FARP1: variants seen among roughly 807,000 people sequenced by gnomAD.
FARP1 encodes FERM, ARH/RhoGEF and pleckstrin domain protein 1.
In FARP1, 52 loss-of-function variants were observed where a neutral mutation model predicts 128.8. The observed-to-expected ratio is 0.40, with a 90% CI of 0.32 to 0.51. FARP1 has a LOEUF of 0.51. FARP1 is among the 20% of genes least tolerant of loss of function. The probability of loss-of-function intolerance (pLI) is 0.45; values close to 1 mark genes in which losing one functional copy is unlikely to be tolerated. For missense variants in FARP1, 1,333 were observed against 1,367.9 expected (o/e 0.97, Z 0.40); for synonymous variants, 580 against 551.8 (o/e 1.05, Z -0.72).
At chr13:98,338,744 T>G (rs1240041476) in intron 2 of FARP1, 1 of 152,252 alleles carries the variant, frequency 6.6e-6, no homozygotes, top group African/African-American at 2.4e-5. Flanking sequence ...TTTTCCATAG[T>G]GGCTGCACCA....
chr13:98,172,035 C>T (rs182277586), intron 1 of FARP1, among the ~76,000 whole-genome samples: 1 of 152,256 alleles, frequency 6.6e-6, no homozygotes, highest in Non-Finnish European at 1.5e-5. Flanking sequence ...GTCAGTGCAG[C>T]AGTTCTCTTC....
At chr13:98,392,665 C>G (rs1890360073) in intron 11 of FARP1, among the ~76,000 whole-genome samples, 1 of 152,108 alleles carries the variant, frequency 6.6e-6, no homozygotes, top group Non-Finnish European at 1.5e-5. Context: ...CTGTATTTCT[C>G]TGATTGCCTA....
intron 3 of FARP1, among the ~76,000 whole-genome samples, chr13:98,361,560 C>T (rs990502453): frequency 2.6e-5 from 4 of 152,342 alleles, no homozygotes; most frequent in African/African-American, 9.6e-5. Flanking sequence ...GCTGGGACAG[C>T]AGGCTCCCAG....
At chr13:98,206,216 T>A (rs1368992563) in intron 1 of FARP1, among the ~76,000 whole-genome samples, 27 of 138,672 alleles carry the variant, frequency 1.9e-4, no homozygotes, top group African/African-American at 6.8e-4. Flanking sequence ...TGTGTGTGTG[T>A]GATCCTTTCA....
chr13:98,256,834 AC>A (rs1374230018), intron 2 of FARP1, among the ~76,000 whole-genome samples: 1 of 146,582 alleles, frequency 6.8e-6, no homozygotes, highest in African/African-American at 2.5e-5. Flanking sequence ...TGCTGGGATT[AC>A]AGGCGTGAGC....
At chr13:98,201,374 A>G (rs146201894) in intron 1 of FARP1, among the ~76,000 whole-genome samples, 8 of 152,334 alleles carry the variant, frequency 5.3e-5, no homozygotes, top group Non-Finnish European at 1.2e-4. Flanking sequence ...CCCAGGAGTT[A>G]GAGGTTACAG....
chr13:98,182,404 C>T (rs901669650), intron 1 of FARP1, among the ~76,000 whole-genome samples: 2 of 152,176 alleles, frequency 1.3e-5, no homozygotes, highest in Non-Finnish European at 2.9e-5. Context: ...TGGCTCACTG[C>T]TGCCTCACCC....
At position 98,448,532 on chromosome 13, in the gene FARP1, G is replaced by C. The variant is rs1221158768; in HGVS notation, c.*215G>C. On this transcript the variant is annotated 3_prime_UTR_variant, in exon 27 of 27. Transcript: ENST00000319562. ...CCTCCAGTCCTGGCATCCGCTGGGG[G>C]CGCTGTTCTTTAGCTAGTGCCAGTA... 1 of 565,976 alleles carries C rather than the reference G, an allele frequency of 1.8e-6. No individual in the cohort carries two copies. Among genetic ancestry groups the C allele is most frequent in the Admixed American group, 3.2e-5 (1 of 31,434 alleles). The allele number at this position is 565,976 out of a possible 1,614,324, so 35.1% of individuals were successfully genotyped here. A position where few individuals can be genotyped will look rare whatever the true frequency, so the allele number is the denominator to read the frequency against.
intron 3 of FARP1, among the ~76,000 whole-genome samples, chr13:98,364,341 A>T (rs931541496): frequency 6.6e-6 from 1 of 152,178 alleles, no homozygotes; most frequent in Non-Finnish European, 1.5e-5. Flanking sequence ...AAATATAAAC[A>T]TGCAAGCAAG....
At chr13:98,144,836 C>T (rs756124425) in intron 1 of FARP1, among the ~76,000 whole-genome samples, 3 of 152,194 alleles carry the variant, frequency 2.0e-5, no homozygotes, top group Admixed American at 6.5e-5. Context: ...CTATCTTTGG[C>T]TTTCTCCCTC....
Position 98,365,449 on chromosome 13 carries a change from C to T in FARP1, c.319+12C>T. The T allele has an allele frequency of 6.3e-7, 1 of 1,578,132 alleles. No individual in the cohort carries two copies. The highest frequency in any genetic ancestry group is 8.7e-7 in the Non-Finnish European group (1 of 1,148,460). Reference sequence around the variant, plus strand: ...GAAACAGATTAGAAGTGAGTATATACCATATGTTTAATAGTGATGTGAAAT... The same window carrying T: ...GAAACAGATTAGAAGTGAGTATATATCATATGTTTAATAGTGATGTGAAAT... On this transcript the variant is annotated intron_variant, in intron 4 of 26. Coordinates refer to ENST00000319562, the MANE Select transcript of FARP1 (RefSeq NM_005766.4).
At chr13:98,415,846 T>G (rs989338263) in intron 16 of FARP1, among the ~76,000 whole-genome samples, 2 of 152,256 alleles carry the variant, frequency 1.3e-5, no homozygotes, top group Non-Finnish European at 2.9e-5. Flanking sequence ...TCGATTGGGA[T>G]GGGTAAGATC....
At chr13:98,405,813 G>T (rs1246990366) in intron 13 of FARP1, 4 of 152,208 alleles carry the variant, frequency 2.6e-5, no homozygotes, top group Non-Finnish European at 5.9e-5. Context: ...AAAGGGAGAA[G>T]TGCTAGAAAT....
At chr13:98,428,258 A>T (rs1891862008) in intron 17 of FARP1, among the ~76,000 whole-genome samples, 1 of 152,140 alleles carries the variant, frequency 6.6e-6, no homozygotes, top group South Asian at 2.1e-4. Flanking sequence ...ATCCATCCAG[A>T]CGCACAAAAA....
chr13:98,262,884 G>A (rs187228169), intron 2 of FARP1, among the ~76,000 whole-genome samples: 38 of 152,242 alleles, frequency 2.5e-4, no homozygotes, highest in Admixed American at 6.5e-4. Context: ...TATTACAGTG[G>A]CCTGGTATAA....
chr13:98,209,875 G>C (rs185467703), intron 1 of FARP1, among the ~76,000 whole-genome samples: 2 of 149,640 alleles, frequency 1.3e-5, no homozygotes, highest in Non-Finnish European at 3.0e-5. Context: ...CCAGCTACCC[G>C]GGAGGCTGAG....
intron 2 of FARP1, among the ~76,000 whole-genome samples, chr13:98,290,096 G>T (rs1238161674): frequency 4.6e-5 from 7 of 151,256 alleles, no homozygotes; most frequent in Non-Finnish European, 7.4e-5. Context: ...GGAGGGAGTG[G>T]TGAGGTTGGG....
chr13:98,364,005 G>A (rs917920130), intron 3 of FARP1, among the ~76,000 whole-genome samples: 5 of 152,176 alleles, frequency 3.3e-5, no homozygotes, highest in African/African-American at 9.7e-5. Flanking sequence ...CTCCCAAAGT[G>A]CTGGGATTAG....
At chr13:98,168,883 C>G (rs1466153670) in intron 1 of FARP1, among the ~76,000 whole-genome samples, 3 of 152,150 alleles carry the variant, frequency 2.0e-5, no homozygotes, top group African/African-American at 4.8e-5. Flanking sequence ...GGGATCAGCT[C>G]TCAACCCCCG....
Sources: gnomAD v4.1 joint callset for allele counts (sites outside exome capture counted in the v4.1 genomes callset) on GRCh38, gnomAD v4.1.1 for gene constraint, MANE v1.5 for transcripts, NCBI Gene and HGNC (gene_info 2026-07-23, HGNC 2026-07-21) for gene names.